Variants in DCAF6 observed in about 807,000 individuals in gnomAD.
The protein encoded by DCAF6 is DDB1- and CUL4-associated factor 6.
In DCAF6, 54 loss-of-function variants were observed where a neutral mutation model predicts 125.1. The ratio of observed to expected loss-of-function variants is 0.43; its 90% CI spans 0.35 to 0.54. DCAF6 has a LOEUF of 0.54. Ranked by LOEUF, DCAF6 falls within the 20% of genes least tolerant of loss-of-function variation. The probability of loss-of-function intolerance (pLI) is 0.01; values close to 1 mark genes in which losing one functional copy is unlikely to be tolerated. For synonymous variants in DCAF6, 371 were observed against 390.4 expected, an observed-to-expected ratio of 0.95 and a Z score of 0.58; for missense variants, 934 against 1,161.7, an observed-to-expected ratio of 0.80 and a Z score of 2.85.
At chr1:167,920,141 T>C in the DCAF6 span, 1 of 1,119,408 alleles carries the variant, frequency 8.9e-7, no homozygotes, top group South Asian at 1.3e-5. Flanking sequence ...CTTCAATAAC[T>C]TCAGTGAATA....
At chr1:167,994,073 A>G (rs1681276233) in intron 7 of DCAF6, among the ~76,000 whole-genome samples, 1 of 151,942 alleles carries the variant, frequency 6.6e-6, no homozygotes, top group African/African-American at 2.4e-5. Flanking sequence ...AATTTGTGTT[A>G]TAATTAATAG....
intron 1 of DCAF6, among the ~76,000 whole-genome samples, chr1:167,944,769 A>G (rs1165509792): frequency 6.6e-6 from 1 of 152,128 alleles, no homozygotes; most frequent in Non-Finnish European, 1.5e-5. Context: ...TGTCTCTTCA[A>G]TCTGTTATTT....
the DCAF6 span, among the ~76,000 whole-genome samples, chr1:167,867,933 C>T: frequency 6.6e-6 from 1 of 152,122 alleles, no homozygotes; most frequent in Non-Finnish European, 1.5e-5. Context: ...AAGGCAGCCC[C>T]TCCTGTACGA....
At chr1:168,054,421 A>G (rs1690342176) in intron 17 of DCAF6, among the ~76,000 whole-genome samples, 1 of 152,130 alleles carries the variant, frequency 6.6e-6, no homozygotes, top group South Asian at 2.1e-4. Flanking sequence ...AAGTGAATTA[A>G]TTCATTCTTG....
chr1:168,013,371 T>C (rs1684552901), intron 10 of DCAF6, among the ~76,000 whole-genome samples: 1 of 152,218 alleles, frequency 6.6e-6, no homozygotes, highest in Non-Finnish European at 1.5e-5. Flanking sequence ...GCGTTATTGA[T>C]TTCTGAAACA....
At chr1:168,028,835 TTAAA>T (rs1189249170) in intron 12 of DCAF6, among the ~76,000 whole-genome samples, 22 of 152,164 alleles carry the variant, frequency 1.4e-4, no homozygotes, top group Non-Finnish European at 1.8e-4. Context: ...CTAATTTTTA[TTAAA>T]TAAATATCTA....
At chr1:167,921,206 T>C in the DCAF6 span, among the ~76,000 whole-genome samples, 1 of 152,072 alleles carries the variant, frequency 6.6e-6, no homozygotes, top group Non-Finnish European at 1.5e-5. Flanking sequence ...GAAAAACTTA[T>C]AATTTTAGTT....
intron 13 of DCAF6, among the ~76,000 whole-genome samples, chr1:168,040,082 A>T (rs1442913737): frequency 1.3e-5 from 2 of 152,190 alleles, no homozygotes; most frequent in East Asian, 3.9e-4. Context: ...TAGAGCAGGT[A>T]AAAGTGATTG....
chr1:167,995,896 CCAGA>C (rs1438614114), intron 7 of DCAF6, among the ~76,000 whole-genome samples: 8 of 152,094 alleles, frequency 5.3e-5, no homozygotes, highest in South Asian at 2.1e-4. Context: ...TGAAGGATGA[CCAGA>C]CAAAGACATG....
chr1:168,007,199 T>C (rs1683449476), intron 10 of DCAF6, among the ~76,000 whole-genome samples: 1 of 152,226 alleles, frequency 6.6e-6, no homozygotes, highest in South Asian at 2.1e-4. Flanking sequence ...AGAAAGCTCC[T>C]ATCAAAAGCT....
At chr1:168,032,005 A>G (rs577308956) in intron 12 of DCAF6, among the ~76,000 whole-genome samples, 2 of 152,228 alleles carry the variant, frequency 1.3e-5, no homozygotes, top group Non-Finnish European at 2.9e-5. Context: ...TTCAATCTAA[A>G]TGTATCGAAA....
At chr1:167,933,785 T>C (rs1327688444), upstream of DCAF6, among the ~76,000 whole-genome samples, 1 of 152,248 alleles carries the variant, frequency 6.6e-6, no homozygotes, top group African/African-American at 2.4e-5. Flanking sequence ...TCTACACTGG[T>C]GTGCCTCCAA....
intron 16 of DCAF6, among the ~76,000 whole-genome samples, chr1:168,046,582 C>G (rs1374613269): frequency 1.3e-5 from 2 of 152,152 alleles, no homozygotes; most frequent in Admixed American, 6.5e-5. Context: ...AACATCTTCT[C>G]TTTACCTGTA....
At chr1:168,028,957 A>T (rs974568788) in intron 12 of DCAF6, among the ~76,000 whole-genome samples, 4 of 152,176 alleles carry the variant, frequency 2.6e-5, no homozygotes, top group African/African-American at 9.7e-5. Flanking sequence ...TAAGTTAGTG[A>T]AATAAAATTT....
chr1:167,910,142 A>AC, the DCAF6 span, among the ~76,000 whole-genome samples: 1 of 152,100 alleles, frequency 6.6e-6, no homozygotes, highest in Non-Finnish European at 1.5e-5. Context: ...TCCTTCTTTA[A>AC]CCCGGGTGTC....
chr1:168,034,540 G>T (rs748332329), intron 12 of DCAF6, among the ~76,000 whole-genome samples: 1 of 152,252 alleles, frequency 6.6e-6, no homozygotes, highest in African/African-American at 2.4e-5. Context: ...GGAAAAGTCC[G>T]TAACTAGAGA....
chr1:168,041,909 C>T (rs921896571), intron 13 of DCAF6, among the ~76,000 whole-genome samples: 1 of 151,084 alleles, frequency 6.6e-6, no homozygotes, highest in Non-Finnish European at 1.5e-5. Flanking sequence ...CACACACACA[C>T]ACACACACAC....
chr1:167,873,073 A>AG, the DCAF6 span, among the ~76,000 whole-genome samples: 6 of 152,002 alleles, frequency 3.9e-5, no homozygotes, highest in Middle Eastern at 3.2e-3. Context: ...CTGTCTCAAA[A>AG]GAAAAAAAAA....
intron 12 of DCAF6, among the ~76,000 whole-genome samples, chr1:168,024,220 T>TAAAAAAAAAAAA (rs374506657): frequency 8.0e-6 from 1 of 124,724 alleles, no homozygotes. Flanking sequence ...CCCATCTCTT[T>TAAAAAAAAAAAA]AAAAAAAAAA....
Sources: allele counts gnomAD v4.1 joint callset (sites outside exome capture counted in the v4.1 genomes callset), GRCh38; gene constraint gnomAD v4.1.1; transcripts MANE v1.5; gene names NCBI Gene and HGNC (gene_info 2026-07-23, HGNC 2026-07-21).